The following TRAPPC12 variants were observed in gnomAD, a reference collection of about 807,000 sequenced individuals.
TRAPPC12 encodes trafficking protein particle complex subunit 12.
A neutral mutation model predicts 69.2 loss-of-function variants in TRAPPC12; 61 were observed. The ratio of observed to expected loss-of-function variants is 0.88; its 90% CI spans 0.72 to 1.09. The LOEUF is 1.09. TRAPPC12 is among the 50% of genes least tolerant of loss of function. The probability of loss-of-function intolerance (pLI) is 0.00; values close to 1 mark genes in which losing one functional copy is unlikely to be tolerated. For synonymous variants in TRAPPC12, 469 were observed against 438.9 expected (o/e 1.07, Z -0.86); for missense variants, 1,101 against 1,016.4 (o/e 1.08, Z -1.13).
Position 3,467,665 on chromosome 2 carries a change from T to C in TRAPPC12, c.1776+1970T>C, listed in dbSNP as rs74676069. The stretch of plus-strand genomic sequence containing the variant: ...TTTTGCCCTTGAAGAACACAGCCAT[T>C]TGTGGGAGTCAAGGCCCGAGAGCAC... On this transcript the variant is annotated intron_variant, in intron 9 of 11. Coordinates refer to ENST00000324266, the MANE Select transcript of TRAPPC12 (RefSeq NM_016030.6). 13 of 152,320 alleles carry C rather than the reference T, an allele frequency of 8.5e-5. No homozygotes were observed. In the East Asian group the frequency reaches 2.3e-3, roughly 27 times the overall value. 9.4% of individuals were successfully genotyped at this position (152,320 alleles called of 1,614,324 possible).
chr2:3,412,469 G>A (rs1662117155), intron 3 of TRAPPC12, among the ~76,000 whole-genome samples: 1 of 152,222 alleles, frequency 6.6e-6, no homozygotes, highest in Non-Finnish European at 1.5e-5. Flanking sequence ...GCTGAGGCGG[G>A]CGAATTGCTT....
chr2:3,391,174 G>A (rs1186259919), intron 2 of TRAPPC12, among the ~76,000 whole-genome samples: 1 of 152,150 alleles, frequency 6.6e-6, no homozygotes, highest in Admixed American at 6.5e-5. Context: ...ATATGGCACT[G>A]TACATGACGG....
At chr2:3,470,692 C>G (rs1398001703) in intron 9 of TRAPPC12, among the ~76,000 whole-genome samples, 1 of 152,224 alleles carries the variant, frequency 6.6e-6, no homozygotes, top group Non-Finnish European at 1.5e-5. Context: ...AAGATACATA[C>G]AGCCACCTTC....
intron 2 of TRAPPC12, among the ~76,000 whole-genome samples, chr2:3,401,242 AT>A (rs1261459910): frequency 6.6e-6 from 1 of 152,148 alleles, no homozygotes; most frequent in Non-Finnish European, 1.5e-5. Context: ...GCCATTGGTA[AT>A]TTAACTTCTT....
intron 8 of TRAPPC12, chr2:3,462,977 A>G (rs182511447): frequency 2.1e-6 from 1 of 470,806 alleles, no homozygotes; most frequent in Admixed American, 2.3e-5. Flanking sequence ...TGCTGGTTGC[A>G]GAATGGTTGT....
intron 6 of TRAPPC12, chr2:3,457,098 C>T (rs1390896326): frequency 6.5e-6 from 3 of 464,314 alleles, no homozygotes; most frequent in Non-Finnish European, 1.3e-5. Flanking sequence ...TGCACATACA[C>T]TGTGGAATAC....
chr2:3,404,354 T>C (rs1175863469), intron 3 of TRAPPC12, among the ~76,000 whole-genome samples: 2 of 152,330 alleles, frequency 1.3e-5, no homozygotes, highest in South Asian at 4.1e-4. Context: ...GGAAAAAATA[T>C]AGAATCCTCC....
chr2:3,461,988 C>T (rs1188599057), intron 8 of TRAPPC12, among the ~76,000 whole-genome samples: 1 of 152,254 alleles, frequency 6.6e-6, no homozygotes. Flanking sequence ...AGTAGGCCTC[C>T]ACCTGCTGAG....
At chr2:3,395,721 C>T (rs1386929425) in intron 2 of TRAPPC12, among the ~76,000 whole-genome samples, 2 of 149,982 alleles carry the variant, frequency 1.3e-5, no homozygotes, top group Admixed American at 1.3e-4. Flanking sequence ...CACCACCACG[C>T]CCAGCTAATT....
chr2:3,465,707 C>T lies in TRAPPC12; in HGVS notation c.1776+12C>T, dbSNP rs547496454. On this transcript the variant is annotated intron_variant, in intron 9 of 11. Coordinates refer to ENST00000324266, the MANE Select transcript of TRAPPC12 (RefSeq NM_016030.6). ...GGATTTCCCTGCAGGTACCTGTGCA[C>T]GGTCAGACATGAGCCAGAAAGGCCT... 1.6e-4 allele frequency: 254 copies of T among 1,597,904 alleles called. 1 individual carries two copies. The highest frequency in any genetic ancestry group is 5.4e-4 in the South Asian group (49 of 90,782).
At chr2:3,461,983 G>A (rs1425790412) in intron 8 of TRAPPC12, among the ~76,000 whole-genome samples, 2 of 152,252 alleles carry the variant, frequency 1.3e-5, no homozygotes, top group Non-Finnish European at 2.9e-5. Flanking sequence ...TCCGCAGTAG[G>A]CCTCCACCTG....
chr2:3,469,333 CAG>C (rs1249371388), intron 9 of TRAPPC12, among the ~76,000 whole-genome samples: 2 of 152,198 alleles, frequency 1.3e-5, no homozygotes. Context: ...GCTGTGCTGT[CAG>C]AGGGGTAAAT....
intron 6 of TRAPPC12, chr2:3,455,641 G>A (rs570902700): frequency 6.6e-6 from 1 of 152,328 alleles, no homozygotes; most frequent in East Asian, 1.9e-4. Flanking sequence ...ACTTAACACA[G>A]TGACCTCCAG....
chr2:3,394,722 A>G (rs1358553808), intron 2 of TRAPPC12, among the ~76,000 whole-genome samples: 8 of 152,160 alleles, frequency 5.3e-5, no homozygotes, highest in East Asian at 1.9e-4. Flanking sequence ...TCTGGAATCC[A>G]TAATTACTGC....
intron 5 of TRAPPC12, among the ~76,000 whole-genome samples, chr2:3,443,127 T>C (rs970232760): frequency 6.6e-6 from 1 of 152,356 alleles, no homozygotes; most frequent in Non-Finnish European, 1.5e-5. Context: ...CTCCTGAGCT[T>C]CTTCCTCTTC....
chr2:3,385,153 C>T (rs913230097), intron 1 of TRAPPC12, among the ~76,000 whole-genome samples: 4 of 152,036 alleles, frequency 2.6e-5, no homozygotes, highest in African/African-American at 7.2e-5. Context: ...ATCTAAATCA[C>T]GTTTTATATC....
chr2:3,388,069 A>AGGAGCCTCCCGTTGC lies in TRAPPC12; in HGVS notation c.453_467dup (p.Pro152_Pro156dup). The stretch of plus-strand genomic sequence containing the variant: ...GGCAGCGAAGCCGCGCGCCCGGAGC[A>AGGAGCCTCCCGTTGC]GGAGCCTCCCGTTGCGGAGCCGGTC... On this transcript the variant is annotated inframe_insertion, in exon 2 of 12. Coordinates refer to ENST00000324266, the MANE Select transcript of TRAPPC12 (RefSeq NM_016030.6). 2 of 1,528,110 alleles carry AGGAGCCTCCCGTTGC rather than the reference A, an allele frequency of 1.3e-6. No homozygotes were observed. The highest frequency in any genetic ancestry group is 1.8e-6 in the Non-Finnish European group (2 of 1,142,504). The allele number at this position is 1,528,110 out of a possible 1,614,324, so 94.7% of individuals were successfully genotyped here.
At chr2:3,382,272 C>CT (rs1028727259) in intron 1 of TRAPPC12, among the ~76,000 whole-genome samples, 1 of 151,464 alleles carries the variant, frequency 6.6e-6, no homozygotes, top group Admixed American at 6.6e-5. Flanking sequence ...GTAGCTGAGA[C>CT]TACAGGCGCC....
intron 3 of TRAPPC12, among the ~76,000 whole-genome samples, chr2:3,407,351 AC>A (rs1451456838): frequency 2.6e-5 from 4 of 152,250 alleles, no homozygotes; most frequent in African/African-American, 4.8e-5. Context: ...TAGCAAAAAA[AC>A]GTAAAAGTAG....
Sources: allele counts gnomAD v4.1 joint callset (sites outside exome capture counted in the v4.1 genomes callset), GRCh38; gene constraint gnomAD v4.1.1; transcripts MANE v1.5; gene names NCBI Gene and HGNC (gene_info 2026-07-23, HGNC 2026-07-21).